The following EPHA5 variants were observed in gnomAD, a reference collection of about 807,000 sequenced individuals.
EPHA5 encodes EPH receptor A5.
Under a neutral mutation model 105.0 loss-of-function variants are expected in EPHA5, and 60 were observed. The observed-to-expected ratio is 0.57, with a 90% CI of 0.46 to 0.71. The LOEUF (loss-of-function observed/expected upper bound fraction) is 0.71. EPHA5 is among the 30% of genes least tolerant of loss of function. EPHA5 has a pLI of 0.00. For synonymous variants in EPHA5, 513 were observed against 449.1 expected (o/e 1.14, Z -1.80); for missense variants, 1,218 against 1,274.7 (o/e 0.96, Z 0.68).
intron 4 of EPHA5, among the ~76,000 whole-genome samples, chr4:65,491,257 C>A (rs1042808868): frequency 3.3e-5 from 5 of 149,902 alleles, no homozygotes; most frequent in African/African-American, 1.2e-4. Context: ...GAATTTGAAA[C>A]CCCCTACTGT....
At chr4:65,610,305 C>T (rs534805528) in intron 2 of EPHA5, among the ~76,000 whole-genome samples, 2 of 152,008 alleles carry the variant, frequency 1.3e-5, no homozygotes, top group Non-Finnish European at 2.9e-5. Flanking sequence ...TGCATGTTCT[C>T]ATTTAAACAC....
rs184124383 is a variant in EPHA5 at position 65,339,845 on chromosome 4, C to T, written c.2596-3720G>A. On this transcript the variant is annotated intron_variant, in intron 14 of 16. Coordinates refer to ENST00000613740, the MANE Select transcript of EPHA5 (RefSeq NM_001281766.3). ...TAGACACACCAATTAATCTAAAGGG[C>T]ATTGTATATGGAAGGAAACCCACAC... Among the ~76,000 whole-genome samples the T allele has an allele frequency of 2.3e-3, 355 of 152,206 alleles. 1 individual carries two copies. Among genetic ancestry groups the T allele is most frequent in the African/African-American group, 8.3e-3 (343 of 41,532 alleles).
chr4:65,532,607 C>T (rs1578355309), intron 3 of EPHA5, among the ~76,000 whole-genome samples: 1 of 135,780 alleles, frequency 7.4e-6, no homozygotes, highest in Non-Finnish European at 1.5e-5. Flanking sequence ...TCCAATAGCT[C>T]TTTTTTTTTT....
chr4:65,589,509 T>C (rs1313297597), intron 3 of EPHA5, among the ~76,000 whole-genome samples: 1 of 152,278 alleles, frequency 6.6e-6, no homozygotes, highest in East Asian at 1.9e-4. Flanking sequence ...TTCACTGTTG[T>C]GACATTTCAT....
At chr4:65,588,697 TG>T (rs2149410537) in intron 3 of EPHA5, among the ~76,000 whole-genome samples, 1 of 152,332 alleles carries the variant, frequency 6.6e-6, no homozygotes, top group South Asian at 2.1e-4. Flanking sequence ...CTGGTTGGTC[TG>T]GTTTATTTCT....
At chr4:65,579,986 A>C (rs1741456607) in intron 3 of EPHA5, among the ~76,000 whole-genome samples, 1 of 151,934 alleles carries the variant, frequency 6.6e-6, no homozygotes, top group African/African-American at 2.4e-5. Context: ...ATATTTGAGA[A>C]AATGTCCTAA....
At chr4:65,546,125 C>A (rs958248021) in intron 3 of EPHA5, among the ~76,000 whole-genome samples, 2 of 151,906 alleles carry the variant, frequency 1.3e-5, no homozygotes, top group Non-Finnish European at 2.9e-5. Flanking sequence ...TCCAAAGAAC[C>A]ATACTTTGGT....
intron 5 of EPHA5, among the ~76,000 whole-genome samples, chr4:65,475,834 A>G (rs1220210681): frequency 6.6e-6 from 1 of 152,082 alleles, no homozygotes; most frequent in East Asian, 1.9e-4. Context: ...AGAGTTTAAA[A>G]CTAGTTTCTA....
chr4:65,528,107 A>C (rs541957939), intron 3 of EPHA5, among the ~76,000 whole-genome samples: 2 of 152,254 alleles, frequency 1.3e-5, no homozygotes, highest in East Asian at 3.9e-4. Context: ...TGACCAGAAA[A>C]TGTTAGATAA....
chr4:65,662,018 A>T (rs899689370), intron 1 of EPHA5, among the ~76,000 whole-genome samples: 3 of 152,132 alleles, frequency 2.0e-5, no homozygotes, highest in Non-Finnish European at 4.4e-5. Context: ...ACAGTCCAAA[A>T]TCTTGACTTC....
At chr4:65,467,982 A>C (rs894996406) in intron 5 of EPHA5, among the ~76,000 whole-genome samples, 1 of 152,192 alleles carries the variant, frequency 6.6e-6, no homozygotes, top group African/African-American at 2.4e-5. Context: ...TAGTAAATGA[A>C]TTATGCCCTA....
At chr4:65,532,669 C>A (rs1224346116) in intron 3 of EPHA5, among the ~76,000 whole-genome samples, 1 of 82,170 alleles carries the variant, frequency 1.2e-5, no homozygotes, top group Non-Finnish European at 2.3e-5. Context: ...GTATTGGTTA[C>A]AGTTTTTTTT....
chr4:65,645,675 T>C (rs916734276), intron 1 of EPHA5, among the ~76,000 whole-genome samples: 1 of 151,944 alleles, frequency 6.6e-6, no homozygotes, highest in African/African-American at 2.4e-5. Flanking sequence ...CTCAAAAAAC[T>C]AGCTTGGCTG....
chr4:65,540,452 T>C (rs1736707288), intron 3 of EPHA5, among the ~76,000 whole-genome samples: 1 of 151,406 alleles, frequency 6.6e-6, no homozygotes, highest in Non-Finnish European at 1.5e-5. Context: ...GAGGATGTCT[T>C]TTCAGTAATT....
At chr4:65,643,742 C>T (rs1326149556) in intron 1 of EPHA5, among the ~76,000 whole-genome samples, 1 of 151,256 alleles carries the variant, frequency 6.6e-6, no homozygotes, top group East Asian at 1.9e-4. Flanking sequence ...AGTAAGCCCA[C>T]AAAAATGAAA....
chr4:65,488,879 G>A (rs1731132576), intron 5 of EPHA5, among the ~76,000 whole-genome samples: 1 of 98,086 alleles, frequency 1.0e-5, no homozygotes, highest in Admixed American at 1.4e-4. Context: ...GAACTCAGCT[G>A]CATGCATTTT....
intron 8 of EPHA5, among the ~76,000 whole-genome samples, chr4:65,383,555 C>T (rs758203817): frequency 6.6e-6 from 1 of 151,694 alleles, no homozygotes; most frequent in Non-Finnish European, 1.5e-5. Flanking sequence ...GGAAAAAAAC[C>T]CAGCATGGAA....
intron 4 of EPHA5, among the ~76,000 whole-genome samples, chr4:65,494,061 T>C (rs1731685961): frequency 6.6e-6 from 1 of 152,194 alleles, no homozygotes; most frequent in Non-Finnish European, 1.5e-5. Flanking sequence ...ATCTTCTCCA[T>C]TGATATGTAT....
chr4:65,527,982 A>G (rs111761790), intron 3 of EPHA5, among the ~76,000 whole-genome samples: 23 of 152,218 alleles, frequency 1.5e-4, no homozygotes, highest in African/African-American at 4.8e-4. Flanking sequence ...CTAAGGATAA[A>G]CATTTTGGTT....
Sources: allele counts gnomAD v4.1 joint callset (sites outside exome capture counted in the v4.1 genomes callset), GRCh38; gene constraint gnomAD v4.1.1; transcripts MANE v1.5; gene names NCBI Gene and HGNC (gene_info 2026-07-23, HGNC 2026-07-21).